Variants in KLHL22 observed in about 807,000 individuals in gnomAD.
KLHL22 encodes kelch-like protein 22.
In KLHL22, 18 loss-of-function variants were observed where a neutral mutation model predicts 60.7. The observed-to-expected ratio is 0.30, with a 90% confidence interval of 0.20 to 0.44. KLHL22 has a LOEUF of 0.44. KLHL22 is among the 20% of genes least tolerant of loss of function. KLHL22 has a pLI of 1.00. For missense variants in KLHL22, 596 were observed against 852.3 expected, an observed-to-expected ratio of 0.70 and a Z score of 3.74; for synonymous variants, 355 against 354.5, an observed-to-expected ratio of 1.00 and a Z score of -0.01.
chr22:20,461,653 T>A (rs1489427547), intron 4 of KLHL22, among the ~76,000 whole-genome samples: 1 of 151,984 alleles, frequency 6.6e-6, no homozygotes. Context: ...GTCTATTAAA[T>A]TTTTTAAATA....
At chr22:20,493,673 T>C (rs976978088) in intron 1 of KLHL22, among the ~76,000 whole-genome samples, 5 of 151,708 alleles carry the variant, frequency 3.3e-5, no homozygotes, top group Non-Finnish European at 5.9e-5. Context: ...TCCCAGCTAC[T>C]TGGGAGGCTG....
chr22:20,470,787 G>GATAA (rs1360358642), intron 3 of KLHL22, among the ~76,000 whole-genome samples: 99 of 26,178 alleles, frequency 3.8e-3, no homozygotes, highest in Non-Finnish European at 7.4e-3. Flanking sequence ...TGGATGGATA[G>GATAA]ATGGATGGAT....
At chr22:20,486,703 C>T (rs1182270646) in intron 2 of KLHL22, among the ~76,000 whole-genome samples, 11 of 146,248 alleles carry the variant, frequency 7.5e-5, no homozygotes, top group South Asian at 2.1e-4. Flanking sequence ...TTTTTTGAGA[C>T]GGAGTTTCAT....
At chr22:20,486,478 A>G (rs2053588803) in intron 2 of KLHL22, among the ~76,000 whole-genome samples, 1 of 152,114 alleles carries the variant, frequency 6.6e-6, no homozygotes, top group Non-Finnish European at 1.5e-5. Flanking sequence ...GACACCCAAC[A>G]TACAACTGCA....
intron 2 of KLHL22, among the ~76,000 whole-genome samples, chr22:20,482,369 A>G (rs2053516737): frequency 6.6e-6 from 1 of 152,032 alleles, no homozygotes; most frequent in African/African-American, 2.4e-5. Context: ...CTAGTAAGAC[A>G]GATTCCCTAG....
At chr22:20,469,151 TGCAGGG>T (rs1234176032) in intron 3 of KLHL22, among the ~76,000 whole-genome samples, 2 of 151,974 alleles carry the variant, frequency 1.3e-5, no homozygotes, top group Non-Finnish European at 2.9e-5. Flanking sequence ...GTGTGATCAC[TGCAGGG>T]AGAAGAAAGA....
In KLHL22 at chr22:20,441,642, C is replaced by T. The variant is rs2052758454; in HGVS notation, c.*431G>A. 5.3e-6 allele frequency: 1 copy of T among 188,842 alleles called. No individual in the cohort carries two copies. Among genetic ancestry groups the T allele is most frequent in the African/African-American group, 2.4e-5 (1 of 42,324 alleles). The allele number at this position is 188,842 out of a possible 1,614,324, so 11.7% of individuals were successfully genotyped here. On this transcript the variant is annotated 3_prime_UTR_variant, in exon 7 of 7. Transcript: ENST00000328879. ...CAGGCGAGCTGATGCATCTCTGCTC[C>T]TCTGCCCCTCAGGAGCTCTCATCCT...
At chr22:20,472,483 T>G (rs2053342938) in intron 2 of KLHL22, among the ~76,000 whole-genome samples, 1 of 152,002 alleles carries the variant, frequency 6.6e-6, no homozygotes, top group Admixed American at 6.6e-5. Context: ...CTCAGCACTT[T>G]GGGAGGGCAA....
intron 2 of KLHL22, among the ~76,000 whole-genome samples, chr22:20,478,867 T>C (rs986954947): frequency 1.4e-5 from 2 of 148,118 alleles, no homozygotes; most frequent in East Asian, 2.2e-4. Flanking sequence ...CGGTGGCTCA[T>C]GCCTGTATCC....
At chr22:20,473,321 C>T (rs976582610) in intron 2 of KLHL22, among the ~76,000 whole-genome samples, 2 of 152,064 alleles carry the variant, frequency 1.3e-5, no homozygotes, top group Non-Finnish European at 2.9e-5. Context: ...GGACTCAAGG[C>T]CCTCTGCTGG....
intron 6 of KLHL22, among the ~76,000 whole-genome samples, chr22:20,443,589 A>C (rs2052802483): frequency 6.6e-6 from 1 of 152,062 alleles, no homozygotes; most frequent in Non-Finnish European, 1.5e-5. Flanking sequence ...AAATACAAAA[A>C]TCAGCTGGGC....
intron 2 of KLHL22, among the ~76,000 whole-genome samples, chr22:20,475,863 C>T (rs1444112174): frequency 6.6e-6 from 1 of 152,168 alleles, no homozygotes; most frequent in African/African-American, 2.4e-5. Flanking sequence ...CACCCAGCCC[C>T]TTCCTCTAAT....
chr22:20,469,557 A>G (rs1193793859), intron 3 of KLHL22, among the ~76,000 whole-genome samples: 1 of 152,182 alleles, frequency 6.6e-6, no homozygotes, highest in East Asian at 1.9e-4. Flanking sequence ...AGATCTCTAA[A>G]TAAAAGAACA....
At chr22:20,483,262 A>G in intron 2 of KLHL22, 1 of 699,160 alleles carries the variant, frequency 1.4e-6, no homozygotes, top group Admixed American at 1.8e-5. Context: ...CTGCATGGTG[A>G]CCACTGTGGT....
At chr22:20,450,111 C>T (rs1375256898) in intron 5 of KLHL22, 57 of 776,604 alleles carry the variant, frequency 7.3e-5, no homozygotes, top group South Asian at 6.4e-4. Flanking sequence ...GTTCTTTCTC[C>T]GCACTGCTTT....
At position 20,465,451 on chromosome 22, in the gene KLHL22, G is replaced by C. The variant is rs781433166; in HGVS notation, c.519C>G (p.Thr173=). Residue 173 remains threonine (T), a synonymous_variant, in exon 4 of 7, where the codon ACC becomes ACG. Coordinates refer to ENST00000328879, the MANE Select transcript of KLHL22 (RefSeq NM_032775.4). The surrounding 1 kb of genome is among the most constrained non-coding windows in gnomAD (Gnocchi z 4.9). The part of the protein sequence containing the change: ...DLSRLTEQLD[T]YILKNFVAFS... The stretch of plus-strand genomic sequence containing the variant: ...AGGCCACAAAGTTTTTGAGGATATA[G>C]GTGTCCAGTTGCTCAGTCAGGCGGC... 1.2e-6 allele frequency: 2 copies of C among 1,613,882 alleles called. No homozygotes were observed. Among genetic ancestry groups the C allele is most frequent in the South Asian group, 2.2e-5 (2 of 91,088 alleles).
At position 20,464,907 on chromosome 22, in the gene KLHL22, C is replaced by T. The variant is rs1200003359; in HGVS notation, c.1063G>A (p.Gly355Arg). The T allele has an allele frequency of 6.4e-7, 1 of 1,564,308 alleles. No individual in the cohort carries two copies. Among genetic ancestry groups the T allele is most frequent in the Non-Finnish European group, 8.6e-7 (1 of 1,156,290 alleles). The change falls in exon 4 of 7, where the codon GGA becomes AGA. Residue 355 changes from glycine (G) to arginine (R), a missense_variant. Transcript: ENST00000328879. ...AATCCTTGGACATTGTTGTCCCCTC[C>T]AATCAAGTATACGAAGTTGTTGAGC... ...AVLNNFVYLI[G>R]GDNNVQGFRA...
At chr22:20,493,672 C>T (rs2053724800) in intron 1 of KLHL22, among the ~76,000 whole-genome samples, 1 of 151,872 alleles carries the variant, frequency 6.6e-6, no homozygotes, top group Admixed American at 6.6e-5. Flanking sequence ...ATCCCAGCTA[C>T]TTGGGAGGCT....
chr22:20,482,698 A>T, intron 2 of KLHL22: 1 of 567,088 alleles, frequency 1.8e-6, no homozygotes. Context: ...TCAGCCTCCC[A>T]AGTAGCTGGG....
Sources: gnomAD v4.1 joint callset for allele counts (sites outside exome capture counted in the v4.1 genomes callset) on GRCh38, gnomAD v4.1.1 for gene constraint, Gnocchi (gnomAD v3.1) non-coding constraint, MANE v1.5 for transcripts, NCBI Gene and HGNC (gene_info 2026-07-23, HGNC 2026-07-21) for gene names.